The following TEX15 variants were observed in gnomAD, a reference collection of about 807,000 sequenced individuals.
TEX15 encodes testis expressed 15, meiosis and synapsis associated, also known as testis-expressed protein 15.
Under a neutral mutation model 237.3 loss-of-function variants are expected in TEX15, and 171 were observed. The ratio of observed to expected loss-of-function variants is 0.72; its 90% CI spans 0.64 to 0.82. The LOEUF is 0.82. TEX15 is among the 40% of genes least tolerant of loss of function. The pLI is 0.00. For missense variants in TEX15, 3,750 were observed against 3,646.5 expected, an observed-to-expected ratio of 1.03 and a Z score of -0.73; for synonymous variants, 1,338 against 1,269.8, an observed-to-expected ratio of 1.05 and a Z score of -1.14.
intron 5 of TEX15, among the ~76,000 whole-genome samples, chr8:30,867,054 C>CT (rs578027524): frequency 0.019 from 2,421 of 128,164 alleles, 51 homozygotes; most frequent in African/African-American, 0.055. Flanking sequence ...GCTGCCTTTG[C>CT]TTTTTTTTTT....
intron 3 of TEX15, chr8:30,886,801 T>C (rs1236474951): frequency 6.3e-6 from 1 of 158,714 alleles, no homozygotes; most frequent in African/African-American, 2.4e-5. Flanking sequence ...CCAGCTGGCA[T>C]TTCTGTGTTG....
At position 30,846,718 on chromosome 8, in the gene TEX15, G is replaced by T. The variant is rs925763169; in HGVS notation, c.3449C>A (p.Pro1150Gln). The part of the protein sequence containing the change: ...TQNNETELTS[P>Q]ILLPDLQIKI... ...AATTTGTAGATCTGGAAGTAAAATTGGGCTGGTAAGTTCTGTTTCATTGTT... is the reference window on the plus strand; with the variant it reads ...AATTTGTAGATCTGGAAGTAAAATTTGGCTGGTAAGTTCTGTTTCATTGTT... The change falls in exon 8 of 11, where the codon CCA becomes CAA. Residue 1150 changes from proline to glutamine, a missense_variant. Pro to Gln is a moderately conservative substitution (Grantham distance 76). Coordinates refer to ENST00000643185, the MANE Select transcript of TEX15 (RefSeq NM_001350162.2). 1 of 1,613,532 alleles carries T rather than the reference G, an allele frequency of 6.2e-7. No homozygotes were observed. The highest frequency in any genetic ancestry group is 8.5e-7 in the Non-Finnish European group (1 of 1,179,754).
chr8:30,849,908 G>C (rs1210910015), intron 7 of TEX15, among the ~76,000 whole-genome samples: 1 of 151,904 alleles, frequency 6.6e-6, no homozygotes, highest in African/African-American at 2.4e-5. Context: ...CGGGGGCTGG[G>C]GGCAGAGGTG....
chr8:30,854,092 C>T (rs1184229080), intron 7 of TEX15, among the ~76,000 whole-genome samples: 1 of 151,516 alleles, frequency 6.6e-6, no homozygotes, highest in African/African-American at 2.4e-5. Flanking sequence ...TTAAGACACA[C>T]ACACACGTGA....
chr8:30,880,037 A>G (rs1160839927), intron 3 of TEX15, among the ~76,000 whole-genome samples: 1 of 151,078 alleles, frequency 6.6e-6, no homozygotes, highest in Non-Finnish European at 1.5e-5. Context: ...ATTATCTTTT[A>G]TTTTACTTTG....
chr8:30,858,600 T>G, intron 7 of TEX15, 68 bp downstream of exon 7: 1 of 1,336,028 alleles, frequency 7.5e-7, no homozygotes. Context: ...GTCCAGCCAG[T>G]AAATAATACT....
At chr8:30,892,198 T>C (rs1372852682) in intron 2 of TEX15, among the ~76,000 whole-genome samples, 1 of 152,212 alleles carries the variant, frequency 6.6e-6, no homozygotes, top group Non-Finnish European at 1.5e-5. Context: ...AAAATAAAGG[T>C]TTGAGTTTTC....
intron 3 of TEX15, among the ~76,000 whole-genome samples, chr8:30,875,917 T>C (rs1046469497): frequency 4.6e-5 from 7 of 151,974 alleles, no homozygotes. Flanking sequence ...GCTCCAGCGA[T>C]CCTCCTGCCT....
In TEX15 at chr8:30,912,933, C is replaced by T. The variant is rs1809263417; in HGVS notation, c.-140G>A. 1.3e-5 allele frequency: 2 copies of T among 152,408 alleles called. No individual in the cohort carries two copies. The highest frequency in any genetic ancestry group is 1.5e-5 in the Non-Finnish European group (1 of 68,200). 9.4% of individuals were successfully genotyped at this position (152,408 alleles called of 1,614,324 possible). ...CCTCAGACTCAATCTTAGCACGGTA[C>T]AGACCTTCGCCCACTGCCTTCCCTG... On this transcript the variant is annotated 5_prime_UTR_variant, in exon 1 of 11. Coordinates refer to ENST00000643185, the MANE Select transcript of TEX15 (RefSeq NM_001350162.2).
intron 8 of TEX15, among the ~76,000 whole-genome samples, chr8:30,841,479 T>C (rs975961347): frequency 6.6e-6 from 1 of 152,242 alleles, no homozygotes; most frequent in Non-Finnish European, 1.5e-5. Flanking sequence ...CAGTGCCAAG[T>C]ACATATTAAA....
At chr8:30,854,143 A>G (rs1343793929) in intron 7 of TEX15, among the ~76,000 whole-genome samples, 1 of 151,880 alleles carries the variant, frequency 6.6e-6, no homozygotes, top group Non-Finnish European at 1.5e-5. Flanking sequence ...AAAAATAAAG[A>G]GAGGAAATTA....
In TEX15 at chr8:30,848,887, G is replaced by A. The variant is rs368002033; in HGVS notation, c.1280C>T (p.Thr427Ile). The change falls in exon 8 of 11, where the codon ACT becomes ATT. Residue 427 changes from threonine to isoleucine, a missense_variant. Thr to Ile is a moderately conservative substitution (Grantham distance 89). Transcript: ENST00000643185. ...TCTTGGGTCTTTGATGGATTTTGAA[G>A]TAGTGACTGTGCTTGAGCCAGTATT... ...HNNTGSSTVT[T>I]SKSIKDPRLM... is the part of the protein sequence containing the mutation. 11 of 1,614,036 alleles carry A rather than the reference G, an allele frequency of 6.8e-6. No homozygotes were observed. The highest frequency in any genetic ancestry group is 5.3e-5 in the African/African-American group (4 of 74,916).
chr8:30,844,867 A>C lies in TEX15; in HGVS notation c.5300T>G (p.Leu1767Arg), dbSNP rs1807557182. The C allele has an allele frequency of 1.2e-6, 2 of 1,613,342 alleles. No homozygotes were observed. Among genetic ancestry groups the C allele is most frequent in the African/African-American group, 2.7e-5 (2 of 74,906 alleles). Reference sequence around the variant, plus strand: ...ACCTGAAGAGCACTGTTCTGTCTTTAGAAGCTCTTTTTCTCTACAGCTCTG... The same window carrying C: ...ACCTGAAGAGCACTGTTCTGTCTTTCGAAGCTCTTTTTCTCTACAGCTCTG... ...CEQSCREKEL[L>R]KTEQCSSGNC... The change falls in exon 8 of 11, where the codon CTA becomes CGA. Residue 1767 changes from leucine (L) to arginine (R), a missense_variant. Transcript: ENST00000643185.
chr8:30,849,206 C>A lies in TEX15; in HGVS notation c.961G>T (p.Glu321Ter). Residue 321 changes from glutamate (E) to a stop codon, truncating the protein, a stop_gained, in exon 8 of 11, where the codon GAA (glutamate) becomes TAA (stop). Transcript: ENST00000643185. LOFTEE classifies it high-confidence loss of function. ...FKKPVDPFVQ[E>*]NCLCNALNSE... The stretch of plus-strand genomic sequence containing the variant: ...TTTAGTGCATTGCATAAACAGTTTT[C>A]TTGAACAAATGGATCTACAGGTTTC... The A allele has an allele frequency of 6.5e-7, 1 of 1,536,812 alleles. No homozygotes were observed. The highest frequency in any genetic ancestry group is 8.7e-7 in the Non-Finnish European group (1 of 1,146,894).
chr8:30,858,828 C>A lies in TEX15; in HGVS notation c.690G>T (p.Val230=). Residue 230 remains valine (V), a splice_region_variant and synonymous_variant, in exon 7 of 11, where the codon GTG becomes GTT. Coordinates refer to ENST00000643185, the MANE Select transcript of TEX15 (RefSeq NM_001350162.2). ...AAAGGACACTGTATTCATAGAAGTA[C>A]ACCTGAAAGATGAAAACAGGTTCAT... ...TIELQAYSSA[V]YFYEYSVLSK... 1 of 1,523,286 alleles carries A rather than the reference C, an allele frequency of 6.6e-7. No individual in the cohort carries two copies. Among genetic ancestry groups the A allele is most frequent in the Non-Finnish European group, 8.8e-7 (1 of 1,142,744 alleles). The allele number at this position is 1,523,286 out of a possible 1,614,324, so 94.4% of individuals were successfully genotyped here. A position where few individuals can be genotyped will look rare whatever the true frequency, so the allele number is the denominator to read the frequency against.
chr8:30,844,724 T>C lies in TEX15; in HGVS notation c.5443A>G (p.Ser1815Gly), dbSNP rs1381426815. The change falls in exon 8 of 11, where the codon AGT (serine) becomes GGT (glycine). Residue 1815 changes from serine (S) to glycine (G), a missense_variant. Coordinates refer to ENST00000643185, the MANE Select transcript of TEX15 (RefSeq NM_001350162.2). ...YGENIVELSS[S>G]DSSLLLKDNV... is the part of the protein sequence containing the mutation. Reference sequence around the variant, plus strand: ...TCTTTTAAAAGCAGAGAACTATCACTGGAAGATAATTCCACTATATTTTCC... The same window carrying C: ...TCTTTTAAAAGCAGAGAACTATCACCGGAAGATAATTCCACTATATTTTCC... 1.2e-6 allele frequency: 2 copies of C among 1,613,098 alleles called. No individual in the cohort carries two copies. Among genetic ancestry groups the C allele is most frequent in the Non-Finnish European group, 1.7e-6 (2 of 1,179,598 alleles).
In TEX15 at chr8:30,847,749, G is replaced by T; in HGVS notation, c.2418C>A (p.Val806=). 1 of 1,613,536 alleles carries T rather than the reference G, an allele frequency of 6.2e-7. No individual in the cohort carries two copies. Among genetic ancestry groups the T allele is most frequent in the South Asian group, 1.1e-5 (1 of 91,052 alleles). ...NCSITREHIC[V]HRKNENEPVS... Reference sequence around the variant, plus strand: ...CTGGTTCATTTTCATTTTTCCTATGGACACATATATGTTCTCTAGTTATGC... The same window carrying T: ...CTGGTTCATTTTCATTTTTCCTATGTACACATATATGTTCTCTAGTTATGC... Residue 806 remains valine (V), a synonymous_variant, in exon 8 of 11, where the codon GTC becomes GTA. Coordinates refer to ENST00000643185, the MANE Select transcript of TEX15 (RefSeq NM_001350162.2).
Position 30,868,518 on chromosome 8 carries a change from T to C in TEX15, c.303-1016A>G, listed in dbSNP as rs564973281. ...ATTTCCTGGAACACCACTTATAGAA[T>C]GTGTTTGAAGTATACCATGCACATA... On this transcript the variant is annotated intron_variant, in intron 4 of 10. Transcript: ENST00000643185. Among the ~76,000 whole-genome samples the C allele has an allele frequency of 3.9e-5, 6 of 152,192 alleles. No homozygotes were observed. In the East Asian group the frequency reaches 1.2e-3, roughly 29 times the overall value.
Position 30,875,558 on chromosome 8 carries a change from G to C in TEX15, c.137-456C>G, listed in dbSNP as rs1585302506. Among the ~76,000 whole-genome samples, 5 of 152,330 alleles carry C rather than the reference G, an allele frequency of 3.3e-5. No homozygotes were observed. The South Asian group carries it at 1.0e-3, about 32-fold the overall frequency. On this transcript the variant is annotated intron_variant, in intron 3 of 10. Coordinates refer to ENST00000643185, the MANE Select transcript of TEX15 (RefSeq NM_001350162.2). Reference sequence around the variant, plus strand: ...AAGATGCTGCCTGATACAGTGGCATGTGAAAGAGGAAACAGACTTTCTTAG... The same window carrying C: ...AAGATGCTGCCTGATACAGTGGCATCTGAAAGAGGAAACAGACTTTCTTAG...
Sources: gnomAD v4.1 joint callset for allele counts (sites outside exome capture counted in the v4.1 genomes callset) on GRCh38, gnomAD v4.1.1 for gene constraint, MANE v1.5 for transcripts, NCBI Gene and HGNC (gene_info 2026-07-23, HGNC 2026-07-21) for gene names.